Variants in PTPRN2 observed in about 807,000 individuals in gnomAD.
PTPRN2 encodes protein tyrosine phosphatase receptor type N2.
In PTPRN2, 74 loss-of-function variants were observed where a neutral mutation model predicts 118.8. The ratio of observed to expected loss-of-function variants is 0.62; its 90% confidence interval spans 0.52 to 0.76. The LOEUF (loss-of-function observed/expected upper bound fraction) is 0.76. Ranked by LOEUF, PTPRN2 falls within the 30% of genes least tolerant of loss-of-function variation. The pLI is 0.00. For missense variants in PTPRN2, 1,481 were observed against 1,394.4 expected (o/e 1.06, Z -0.99); for synonymous variants, 641 against 608.0 (o/e 1.05, Z -0.80).
At chr7:157,643,507 TG>T (rs1283913099) in intron 14 of PTPRN2, among the ~76,000 whole-genome samples, 1 of 152,168 alleles carries the variant, frequency 6.6e-6, no homozygotes, top group African/African-American at 2.4e-5. Context: ...GGCGGAGGTG[TG>T]GGGGCTGCAG....
intron 9 of PTPRN2, among the ~76,000 whole-genome samples, chr7:158,130,043 A>G (rs2150419400): frequency 6.6e-6 from 1 of 152,312 alleles, no homozygotes; most frequent in Non-Finnish European, 1.5e-5. Context: ...TAAGATAATC[A>G]CCTACAGCTG....
chr7:158,584,093 C>G lies in PTPRN2; in HGVS notation c.112+3465G>C, dbSNP rs79062659. ...GGCCAAAACAAAGGAGCAAAATGAA[C>G]AATCTCCTGTCTTCACAGCCAGGTG... is the stretch of plus-strand genomic sequence containing the variant. On this transcript the variant is annotated intron_variant, in intron 1 of 22. Coordinates refer to ENST00000389418, the MANE Select transcript of PTPRN2 (RefSeq NM_002847.5). Among the ~76,000 whole-genome samples the G allele has an allele frequency of 1.3e-3, 202 of 152,276 alleles. 3 individuals carry two copies. The East Asian group carries it at 0.032, about 24-fold the overall frequency.
chr7:158,398,838 A>C (rs949636820), intron 2 of PTPRN2, among the ~76,000 whole-genome samples: 1 of 152,194 alleles, frequency 6.6e-6, no homozygotes, highest in Non-Finnish European at 1.5e-5. Flanking sequence ...CACTGTTTCC[A>C]AGCTTACTTT....
At chr7:157,822,729 T>G (rs894721199) in intron 12 of PTPRN2, among the ~76,000 whole-genome samples, 3 of 151,892 alleles carry the variant, frequency 2.0e-5, no homozygotes, top group Non-Finnish European at 4.4e-5. Flanking sequence ...CCACTATCCA[T>G]CTACCCATCC....
At chr7:157,586,221 C>T (rs1225221855) in intron 17 of PTPRN2, among the ~76,000 whole-genome samples, 2 of 152,152 alleles carry the variant, frequency 1.3e-5, no homozygotes, top group African/African-American at 4.8e-5. Context: ...TAAGAATTAA[C>T]ACAACTCTCA....
intron 12 of PTPRN2, among the ~76,000 whole-genome samples, chr7:157,897,714 T>C (rs1489623526): frequency 6.6e-6 from 1 of 152,146 alleles, no homozygotes; most frequent in Non-Finnish European, 1.5e-5. Flanking sequence ...ATTAAGCAGC[T>C]TCTTATTTCA....
intron 12 of PTPRN2, among the ~76,000 whole-genome samples, chr7:157,853,742 C>T (rs78982627): frequency 0.058 from 8,900 of 152,252 alleles, 350 homozygotes; most frequent in South Asian, 0.18. Context: ...AGATACTCCC[C>T]GTGTTTTGGG....
chr7:157,681,528 G>C (rs950633900), intron 13 of PTPRN2, among the ~76,000 whole-genome samples: 1 of 152,198 alleles, frequency 6.6e-6, no homozygotes, highest in African/African-American at 2.4e-5. Flanking sequence ...CAGAAAACTG[G>C]AGGCTTCCTC....
At chr7:157,850,084 T>C (rs1809155939) in intron 12 of PTPRN2, among the ~76,000 whole-genome samples, 1 of 152,240 alleles carries the variant, frequency 6.6e-6, no homozygotes, top group Admixed American at 6.5e-5. Context: ...TAAAATTTGC[T>C]TGAAAATCTT....
intron 6 of PTPRN2, among the ~76,000 whole-genome samples, chr7:158,146,988 C>T (rs370995871): frequency 6.5e-4 from 51 of 78,400 alleles, no homozygotes; most frequent in South Asian, 2.4e-3. Context: ...GTCTTTCCCC[C>T]TCAATGACAC....
rs180905075 is a variant in PTPRN2 at position 157,776,124 on chromosome 7, C to T, written c.1789-93187G>A. 7.1e-3 allele frequency among the ~76,000 whole-genome samples: 1,030 copies of T among 145,938 alleles called. 10 individuals are homozygous for T. The highest frequency in any genetic ancestry group is 0.025 in the African/African-American group (951 of 37,962). On this transcript the variant is annotated intron_variant, in intron 12 of 22. Transcript: ENST00000389418. ...CCTCCTCTCTCCTCTCCTTTTTCAC[C>T]TCCTCCCTCTCCTCCTCCCTCCTCT...
intron 11 of PTPRN2, among the ~76,000 whole-genome samples, chr7:157,950,298 G>A (rs562090747): frequency 7.2e-5 from 11 of 152,310 alleles, no homozygotes; most frequent in Non-Finnish European, 1.0e-4. Context: ...ACCCGCAGGC[G>A]TTTCTGAGTG....
chr7:157,966,843 TCAC>T (rs1449036381), intron 11 of PTPRN2, among the ~76,000 whole-genome samples: 2 of 152,278 alleles, frequency 1.3e-5, no homozygotes, highest in East Asian at 3.9e-4. Flanking sequence ...ATCACCATCA[TCAC>T]AATGGTCACT....
At chr7:158,332,042 A>G (rs867649160) in intron 2 of PTPRN2, among the ~76,000 whole-genome samples, 1 of 135,740 alleles carries the variant, frequency 7.4e-6, no homozygotes, top group South Asian at 2.4e-4. Flanking sequence ...CCCACACTCT[A>G]ACGATAAGAG....
Position 157,656,540 on chromosome 7 carries a change from G to T in PTPRN2, c.2013C>A (p.Arg671=). The change falls in exon 14 of 23, where the codon CGC becomes CGA. Residue 671 remains arginine (R), a synonymous_variant. Coordinates refer to ENST00000389418, the MANE Select transcript of PTPRN2 (RefSeq NM_002847.5). The part of the protein sequence containing the change: ...DATAAYQELC[R]QRMATRPPDR... ...CTGGTGGCCGCGTGGCCATACGCTG[G>T]CGGCACAGCTCCTGCAGGACAGGGG... 1 of 1,541,764 alleles carries T rather than the reference G, an allele frequency of 6.5e-7. No homozygotes were observed. Among genetic ancestry groups the T allele is most frequent in the Non-Finnish European group, 8.7e-7 (1 of 1,149,380 alleles).
chr7:157,747,834 T>A (rs199921351), intron 12 of PTPRN2, among the ~76,000 whole-genome samples: 2 of 23,276 alleles, frequency 8.6e-5, no homozygotes, highest in Non-Finnish European at 8.1e-5. Flanking sequence ...TCCCTGAGCT[T>A]TGGGCTGTCC....
chr7:158,455,060 C>A (rs1220570373), intron 2 of PTPRN2, among the ~76,000 whole-genome samples: 1 of 152,214 alleles, frequency 6.6e-6, no homozygotes, highest in African/African-American at 2.4e-5. Flanking sequence ...CCCCCATGGA[C>A]CCCCAATCCC....
At chr7:158,187,776 T>C (rs943244916) in intron 5 of PTPRN2, among the ~76,000 whole-genome samples, 19 of 152,206 alleles carry the variant, frequency 1.2e-4, no homozygotes, top group African/African-American at 4.6e-4. Context: ...AGCTCATTAA[T>C]TCAAACTGGG....
chr7:158,178,755 G>A (rs545582645), intron 5 of PTPRN2, among the ~76,000 whole-genome samples: 10 of 151,762 alleles, frequency 6.6e-5, no homozygotes, highest in South Asian at 4.2e-4. Context: ...CCGCCACCAC[G>A]CCTGGCTAAT....
Sources: allele counts gnomAD v4.1 joint callset (sites outside exome capture counted in the v4.1 genomes callset), GRCh38; gene constraint gnomAD v4.1.1; transcripts MANE v1.5; gene names NCBI Gene and HGNC (gene_info 2026-07-23, HGNC 2026-07-21).